The following MMP17 variants were observed in gnomAD, a reference collection of about 807,000 sequenced individuals.
The protein encoded by MMP17 is matrix metalloproteinase-17.
A neutral mutation model predicts 49.1 loss-of-function variants in MMP17; 54 were observed. The observed-to-expected ratio is 1.10, with a 90% CI of 0.88 to 1.38. MMP17 has a LOEUF of 1.38. Ranked by LOEUF, MMP17 falls within the 40% of genes most tolerant of loss-of-function variation. The pLI, the probability that MMP17 is intolerant of heterozygous loss-of-function variation, is 0.00. For missense variants in MMP17, 837 were observed against 853.7 expected (o/e 0.98, Z 0.24); for synonymous variants, 397 against 383.1 (o/e 1.04, Z -0.42).
rs1398646823 is a variant in MMP17 at position 131,828,559 on chromosome 12, C to CGCTGCTGCT, written c.70_71insTGCTGCTGC (p.Leu23_Pro24insLeuLeuLeu). ...CCAGGGCCCGGACTCTCGCGGCTGC[C>CGCTGCTGCT]GCTGCCGCTGCTGCTGCTGCTGGCG... On this transcript the variant is annotated inframe_insertion, in exon 1 of 10. Coordinates refer to ENST00000360564, the MANE Select transcript of MMP17 (RefSeq NM_016155.7). 2 of 951,020 alleles carry CGCTGCTGCT rather than the reference C, an allele frequency of 2.1e-6. No individual in the cohort carries two copies. 58.9% of individuals were successfully genotyped at this position (951,020 alleles called of 1,614,324 possible). A position where few individuals can be genotyped will look rare whatever the true frequency, so the allele number is the denominator to read the frequency against.
intron 3 of MMP17, chr12:131,840,212 C>T (rs1887311714): frequency 8.5e-6 from 2 of 236,586 alleles, no homozygotes; most frequent in Non-Finnish European, 1.7e-5. Flanking sequence ...TGGGCCCTGG[C>T]TAGTGTGAGG....
At chr12:131,848,146 T>C (rs2136342160) in intron 8 of MMP17, among the ~76,000 whole-genome samples, 1 of 152,340 alleles carries the variant, frequency 6.6e-6, no homozygotes, top group East Asian at 1.9e-4. Context: ...AGTGCAGTGG[T>C]GTGATCTCAG....
chr12:131,851,161 G>A lies in MMP17; in HGVS notation c.1699G>A (p.Ala567Thr), dbSNP rs540516232. The A allele has an allele frequency of 8.6e-6, 13 of 1,520,048 alleles. No homozygotes were observed. The South Asian group carries it at 1.6e-4, about 19-fold the overall frequency. The allele number at this position is 1,520,048 out of a possible 1,614,324, so 94.2% of individuals were successfully genotyped here. A position where few individuals can be genotyped will look rare whatever the true frequency, so the allele number is the denominator to read the frequency against. Reference protein sequence around the residue: ...GYEVCSCTSGASSPPGAPGPL... With the variant: ...GYEVCSCTSGTSSPPGAPGPL... Reference sequence around the variant, plus strand: ...CGAGGTCTGCTCATGCACCTCTGGGGCATCCTCTCCCCCGGGGGCCCCAGG... The same window carrying A: ...CGAGGTCTGCTCATGCACCTCTGGGACATCCTCTCCCCCGGGGGCCCCAGG... The change falls in exon 10 of 10, where the codon GCA becomes ACA. Residue 567 changes from alanine to threonine, a missense_variant. Physicochemically the swap from Ala to Thr is moderately conservative, Grantham distance 58 (BLOSUM62 0). Transcript: ENST00000360564.
Position 131,828,611 on chromosome 12 carries a change from G to T in MMP17, c.117G>T (p.Ala39=). 1.2e-6 allele frequency: 1 copy of T among 842,696 alleles called. No homozygotes were observed. Among genetic ancestry groups the T allele is most frequent in the Non-Finnish European group, 1.5e-6 (1 of 682,734 alleles). The allele number at this position is 842,696 out of a possible 1,614,324, so 52.2% of individuals were successfully genotyped here. The change falls in exon 1 of 10, where the codon GCG becomes GCT. Residue 39 remains alanine, a synonymous_variant. Transcript: ENST00000360564. ...LALGTRGGCA[A]PAPAPRAEDL... Reference sequence around the variant, plus strand: ...TGGGGACCCGCGGGGGCTGCGCCGCGCCCGCACCCGCGCCGCGCGCCGAGG... The same window carrying T: ...TGGGGACCCGCGGGGGCTGCGCCGCTCCCGCACCCGCGCCGCGCGCCGAGG...
intron 4 of MMP17, among the ~76,000 whole-genome samples, chr12:131,841,065 G>A (rs1247135024): frequency 2.6e-5 from 4 of 152,258 alleles, no homozygotes; most frequent in Non-Finnish European, 5.9e-5. Flanking sequence ...GTCGGGCAGG[G>A]ACACCGCTGG....
intron 1 of MMP17, 24 bp from the exon 2 acceptor site, chr12:131,838,171 C>T (rs751942862): frequency 5.0e-6 from 8 of 1,599,514 alleles, no homozygotes; most frequent in Non-Finnish European, 6.8e-6. Context: ...TGTTGCACCC[C>T]CTCACCCTGC....
In MMP17 at chr12:131,851,517, G is replaced by A. The variant is rs1248040025; in HGVS notation, c.*243G>A. ...AGCCGAGGGGTGGCCGCTCCAGAAG[G>A]GTGCCCAGTCAGGCCGCACCGCCGC... is the stretch of plus-strand genomic sequence containing the variant. On this transcript the variant is annotated 3_prime_UTR_variant, in exon 10 of 10. Transcript: ENST00000360564. The A allele has an allele frequency of 2.5e-6, 1 of 399,728 alleles. No individual in the cohort carries two copies. Among genetic ancestry groups the A allele is most frequent in the East Asian group, 3.6e-5 (1 of 27,868 alleles). The allele number at this position is 399,728 out of a possible 1,614,324, so 24.8% of individuals were successfully genotyped here.
At chr12:131,844,586 G>A (rs1593234762) in intron 6 of MMP17, 4 of 219,368 alleles carry the variant, frequency 1.8e-5, no homozygotes, top group Admixed American at 5.5e-5. Flanking sequence ...GCCAGAGGCC[G>A]GTAGAAGCTG....
intron 1 of MMP17, among the ~76,000 whole-genome samples, chr12:131,831,182 C>T (rs1162736337): frequency 6.6e-6 from 1 of 152,198 alleles, no homozygotes. Context: ...GGACTCGCGG[C>T]GAGAGTGTCT....
At chr12:131,837,648 C>T (rs778462628) in intron 1 of MMP17, among the ~76,000 whole-genome samples, 2 of 152,238 alleles carry the variant, frequency 1.3e-5, no homozygotes, top group Non-Finnish European at 2.9e-5. Flanking sequence ...GGCAGGGTTG[C>T]CATGAGTGGT....
Position 131,840,752 on chromosome 12 carries a change from ACGGCCCCGG to A in MMP17, c.607_615del (p.Pro203_Gly205del). 1 of 1,604,382 alleles carries A rather than the reference ACGGCCCCGG, an allele frequency of 6.2e-7. No individual in the cohort carries two copies. Among genetic ancestry groups the A allele is most frequent in the African/African-American group, 1.3e-5 (1 of 75,042 alleles). ...GACCATAACGACGGCTACCCCTTCGACGGCCCCGGCGGCACCGTGGCCCACGCCTTCTTC... is the reference window on the plus strand; with the variant it reads ...GACCATAACGACGGCTACCCCTTCGACGGCACCGTGGCCCACGCCTTCTTC... On this transcript the variant is annotated inframe_deletion, in exon 4 of 10. Transcript: ENST00000360564.
intron 4 of MMP17, 70 bp from the exon 5 acceptor site, chr12:131,841,554 C>T: frequency 6.6e-7 from 1 of 1,521,502 alleles, no homozygotes; most frequent in Non-Finnish European, 9.1e-7. Context: ...ATGGTGGGGG[C>T]CTGCTGGTCC....
At chr12:131,831,685 G>C (rs1423556732) in intron 1 of MMP17, among the ~76,000 whole-genome samples, 5 of 149,618 alleles carry the variant, frequency 3.3e-5, no homozygotes, top group Non-Finnish European at 1.5e-5. Flanking sequence ...GTTTGCCTTG[G>C]ACGTGGGCTT....
At chr12:131,844,867 C>T (rs1887611046) in intron 6 of MMP17, 1 of 529,992 alleles carries the variant, frequency 1.9e-6, no homozygotes, top group Admixed American at 3.2e-5. Context: ...GTCTCCACCC[C>T]TGAGCTCCTG....
intron 8 of MMP17, among the ~76,000 whole-genome samples, chr12:131,849,100 C>A (rs533419384): frequency 1.3e-5 from 2 of 152,130 alleles, no homozygotes; most frequent in Non-Finnish European, 2.9e-5. Context: ...ACAGTGGGGG[C>A]GAGGGGGCGT....
Position 131,851,063 on chromosome 12 carries a change from C to A in MMP17, c.1601C>A (p.Ala534Glu), listed in dbSNP as rs538789299. 8.7e-6 allele frequency: 14 copies of A among 1,607,262 alleles called. 1 individual carries two copies. In the South Asian group the frequency reaches 1.4e-4, roughly 17 times the overall value. ...GDSQADGSVA[A>E]GVDAAEGPRA... ...TCACAGGCCGATGGATCTGTGGCTG[C>A]GGGCGTGGACGCGGCAGAGGGGCCC... The change falls in exon 10 of 10, where the codon GCG (alanine) becomes GAG (glutamate). Residue 534 changes from alanine (A) to glutamate (E), a missense_variant. Coordinates refer to ENST00000360564, the MANE Select transcript of MMP17 (RefSeq NM_016155.7).
intron 6 of MMP17, chr12:131,844,674 GCT>G (rs113747648): frequency 0.018 from 4,227 of 231,320 alleles, 185 homozygotes; most frequent in African/African-American, 0.088. Context: ...AAGGAGCCAC[GCT>G]CTGTGTCGAG....
intron 3 of MMP17, 104 bp from the exon 4 acceptor site, chr12:131,840,469 C>T: frequency 1.5e-6 from 2 of 1,304,514 alleles, no homozygotes; most frequent in Middle Eastern, 2.1e-4. Context: ...GGGGGAGACC[C>T]TCATAGGGGC....
rs572103150 is a variant in MMP17 at position 131,829,537 on chromosome 12, A to G, written c.159+884A>G. 3.3e-5 allele frequency among the ~76,000 whole-genome samples: 5 copies of G among 152,194 alleles called. No homozygotes were observed. In the South Asian group the frequency reaches 6.2e-4, roughly 19 times the overall value. On this transcript the variant is annotated intron_variant, in intron 1 of 9. Transcript: ENST00000360564. ...GGCTCCTGCCCCACCGCTGCCTTCA[A>G]TGGACTCCTACCCAGGGAGTCGGGC...
Sources: gnomAD v4.1 joint callset for allele counts (sites outside exome capture counted in the v4.1 genomes callset) on GRCh38, gnomAD v4.1.1 for gene constraint, MANE v1.5 for transcripts, NCBI Gene and HGNC (gene_info 2026-07-23, HGNC 2026-07-21) for gene names.